CDYL2: variants seen among roughly 807,000 people sequenced by gnomAD.
CDYL2 encodes chromodomain Y-like protein 2.
CDYL2 carries 23 observed loss-of-function variants against 49.4 expected under a neutral mutation model. The observed-to-expected ratio is 0.47, with a 90% CI of 0.34 to 0.66. The LOEUF is 0.66. CDYL2 is among the 30% of genes least tolerant of loss of function. The pLI is 0.01. For synonymous variants in CDYL2, 360 were observed against 268.8 expected (o/e 1.34, Z -3.32); for missense variants, 678 against 656.4 (o/e 1.03, Z -0.36).
intron 4 of CDYL2, among the ~76,000 whole-genome samples, chr16:80,617,507 T>C (rs1906884569): frequency 6.6e-6 from 1 of 152,204 alleles, no homozygotes; most frequent in African/African-American, 2.4e-5. Flanking sequence ...GACACCCCTC[T>C]GGAAATCCAC....
chr16:80,620,283 G>A (rs1290575736), intron 4 of CDYL2, among the ~76,000 whole-genome samples: 1 of 152,180 alleles, frequency 6.6e-6, no homozygotes, highest in Non-Finnish European at 1.5e-5. Flanking sequence ...TCTGTACCCC[G>A]TTGGGTCTGC....
intron 3 of CDYL2, among the ~76,000 whole-genome samples, chr16:80,629,162 T>G (rs555152400): frequency 1.3e-5 from 2 of 152,144 alleles, no homozygotes; most frequent in South Asian, 4.2e-4. Context: ...CACATTTGGT[T>G]GGGGAGGGGT....
rs1284566572 is a variant in CDYL2, at chr16:80,600,036, T to C, written c.*4352A>G. 1 of 152,194 alleles carries C rather than the reference T, an allele frequency of 6.6e-6. No individual in the cohort carries two copies. Among genetic ancestry groups the C allele is most frequent in the African/African-American group, 2.4e-5 (1 of 41,450 alleles). 9.4% of individuals were successfully genotyped at this position (152,194 alleles called of 1,614,324 possible). On this transcript the variant is annotated 3_prime_UTR_variant, in exon 7 of 7. Transcript: ENST00000570137. ...AATTTTTTTGCAACAAGCTTAAGGC[T>C]CTGTTCACAAACTCCATCAACTGCC...
At chr16:80,763,701 A>C (rs1203142951) in intron 1 of CDYL2, among the ~76,000 whole-genome samples, 1 of 152,240 alleles carries the variant, frequency 6.6e-6, no homozygotes, top group Non-Finnish European at 1.5e-5. Context: ...CCACTTTAAA[A>C]GTGACATTAA....
At chr16:80,783,413 TG>T (rs1481533185) in intron 1 of CDYL2, among the ~76,000 whole-genome samples, 1 of 152,144 alleles carries the variant, frequency 6.6e-6, no homozygotes, top group Admixed American at 6.6e-5. Context: ...ATTGCTGCTA[TG>T]GGTGTAAAAT....
chr16:80,692,182 G>C (rs1447687322), intron 1 of CDYL2, among the ~76,000 whole-genome samples: 4 of 152,186 alleles, frequency 2.6e-5, no homozygotes, highest in African/African-American at 4.8e-5. Context: ...GTCAAAAGAA[G>C]ACTTCACTGA....
intron 2 of CDYL2, among the ~76,000 whole-genome samples, chr16:80,657,760 A>C (rs1358503019): frequency 1.3e-5 from 2 of 152,174 alleles, no homozygotes; most frequent in African/African-American, 4.8e-5. Context: ...AACACTGTTT[A>C]TGCACTTACT....
At position 80,684,906 on chromosome 16, in the gene CDYL2, C is replaced by A. The variant is rs1254538909; in HGVS notation, c.248G>T (p.Gly83Val). The change falls in exon 2 of 7, where the codon GGC (glycine) becomes GTC (valine). Residue 83 changes from glycine to valine, a missense_variant. This residue lies in a region of CDYL2 where 478 missense variants were observed against 427.0 expected (regional missense o/e 1.12). Transcript: ENST00000570137. ...STSKLLRDSR[G>V]PSVEKLSHRP... is the part of the protein sequence containing the mutation. ...GTGGGACAGTTTCTCAACCGACGGG[C>A]CTCGACTGTCACGCAGCAGCTTGGA... is the stretch of plus-strand genomic sequence containing the variant. 6.2e-7 allele frequency: 1 copy of A among 1,614,190 alleles called. No homozygotes were observed. Among genetic ancestry groups the A allele is most frequent in the Admixed American group, 1.7e-5 (1 of 60,028 alleles).
chr16:80,602,708 G>A lies in CDYL2; in HGVS notation c.*1680C>T, dbSNP rs1906145049. On this transcript the variant is annotated 3_prime_UTR_variant, in exon 7 of 7. Transcript: ENST00000570137. ...TCCACTCTCTTCAAAGAAGGGCCAA[G>A]AAAGGCTGGTGCCCAACAGGAAAGG... is the stretch of plus-strand genomic sequence containing the variant. 1 of 152,234 alleles carries A rather than the reference G, an allele frequency of 6.6e-6. No homozygotes were observed. Among genetic ancestry groups the A allele is most frequent in the Non-Finnish European group, 1.5e-5 (1 of 68,100 alleles). The allele number at this position is 152,234 out of a possible 1,614,324, so 9.4% of individuals were successfully genotyped here. A position where few individuals can be genotyped will look rare whatever the true frequency, so the allele number is the denominator to read the frequency against.
chr16:80,668,886 C>T (rs7200113), intron 2 of CDYL2, among the ~76,000 whole-genome samples: 3 of 151,760 alleles, frequency 2.0e-5, no homozygotes, highest in Non-Finnish European at 4.4e-5. Context: ...GCGACAGAGT[C>T]AGACACCATC....
At chr16:80,623,803 C>T (rs775743342) in intron 3 of CDYL2, among the ~76,000 whole-genome samples, 9 of 152,094 alleles carry the variant, frequency 5.9e-5, no homozygotes, top group African/African-American at 1.4e-4. Flanking sequence ...TGTCCTTCAC[C>T]GCAGGCTAGG....
intron 1 of CDYL2, among the ~76,000 whole-genome samples, chr16:80,792,817 C>A (rs762126568): frequency 6.6e-6 from 1 of 152,174 alleles, no homozygotes; most frequent in South Asian, 2.1e-4. Context: ...TCAAAGGGAA[C>A]TGCCCTCTGC....
intron 1 of CDYL2, among the ~76,000 whole-genome samples, chr16:80,749,724 A>AT (rs199527546): frequency 6.6e-6 from 1 of 151,982 alleles, no homozygotes; most frequent in South Asian, 2.1e-4. Flanking sequence ...TTATATGAAA[A>AT]TTTTTTTAAA....
chr16:80,605,295 C>T (rs1021066598), intron 6 of CDYL2, among the ~76,000 whole-genome samples: 1 of 148,576 alleles, frequency 6.7e-6, no homozygotes, highest in African/African-American at 2.5e-5. Flanking sequence ...TACGTATAAA[C>T]ACATATGTAT....
In CDYL2 at chr16:80,612,650, G is replaced by T; in HGVS notation, c.1194C>A (p.Phe398Leu). The change falls in exon 5 of 7, where the codon TTC (phenylalanine) becomes TTA (leucine). Residue 398 changes from phenylalanine (F) to leucine (L), a missense_variant. By Grantham distance (22) the Phe-to-Leu change is conservative (BLOSUM62 0). Around this residue, in one of 3 missense-constraint regions of CDYL2, gnomAD observed 153 missense variants for 150.6 expected, o/e 1.02. Transcript: ENST00000570137. The surrounding 1 kb of genome is among the most constrained non-coding windows in gnomAD (Gnocchi z 5.0). ...CCAGCGCGACGCCCAGGATCTGGGG[G>T]AAGGTGTAGGAGGAGCAGCCAGCAG... is the stretch of plus-strand genomic sequence containing the variant. Reference protein sequence around the residue: ...LTPAGCSSYTFPQILGVALAN... With the variant: ...LTPAGCSSYTLPQILGVALAN... 6.2e-7 allele frequency: 1 copy of T among 1,610,854 alleles called. No homozygotes were observed. Among genetic ancestry groups the T allele is most frequent in the Non-Finnish European group, 8.5e-7 (1 of 1,178,786 alleles).
chr16:80,751,153 A>G (rs1307556240), intron 1 of CDYL2, among the ~76,000 whole-genome samples: 1 of 151,904 alleles, frequency 6.6e-6, no homozygotes, highest in Admixed American at 6.5e-5. Context: ...ATCAACACAG[A>G]TAATTCAGGA....
At chr16:80,801,480 A>G (rs1420978398) in intron 1 of CDYL2, among the ~76,000 whole-genome samples, 2 of 152,234 alleles carry the variant, frequency 1.3e-5, no homozygotes, top group Non-Finnish European at 2.9e-5. Context: ...AATCTCTACA[A>G]TCCAAATCAC....
intron 1 of CDYL2, among the ~76,000 whole-genome samples, chr16:80,730,944 G>A (rs1905306079): frequency 6.6e-6 from 1 of 152,132 alleles, no homozygotes; most frequent in Admixed American, 6.5e-5. Flanking sequence ...TGGTTAATGA[G>A]GGTAGGAAGG....
chr16:80,608,049 G>A, intron 6 of CDYL2, 43 bp downstream of exon 6: 2 of 1,522,818 alleles, frequency 1.3e-6, no homozygotes, highest in East Asian at 2.5e-5. Context: ...GTGTAAAATG[G>A]GTCTATCAAA....
Sources: gnomAD v4.1 joint callset for allele counts (sites outside exome capture counted in the v4.1 genomes callset) on GRCh38, gnomAD v4.1.1 for gene constraint, gnomAD v4.1.1 regional missense constraint, Gnocchi (gnomAD v3.1) non-coding constraint, MANE v1.5 for transcripts, NCBI Gene and HGNC (gene_info 2026-07-23, HGNC 2026-07-21) for gene names.